The following IMPA1 variants were observed in gnomAD, a reference collection of about 807,000 sequenced individuals.
IMPA1 encodes the protein D-galactose 1-phosphate phosphatase.
In IMPA1, 21 loss-of-function variants were observed where a neutral mutation model predicts 34.9. The observed-to-expected ratio is 0.60, with a 90% CI of 0.43 to 0.87. IMPA1 has a LOEUF of 0.87. Among genes scored for constraint, IMPA1 ranks in the 40% least tolerant of loss-of-function variants. The pLI is 0.00. For missense variants in IMPA1, 299 were observed against 336.4 expected, an observed-to-expected ratio of 0.89 and a Z score of 0.87; for synonymous variants, 95 against 104.4, an observed-to-expected ratio of 0.91 and a Z score of 0.55.
rs1435862146 is a variant in IMPA1 at position 81,659,024 on chromosome 8, C to T, written c.*327G>A. The T allele has an allele frequency of 6.4e-6, 2 of 311,866 alleles. No homozygotes were observed. The highest frequency in any genetic ancestry group is 1.2e-5 in the Non-Finnish European group (2 of 167,240). 19.3% of individuals were successfully genotyped at this position (311,866 alleles called of 1,614,324 possible). A position where few individuals can be genotyped will look rare whatever the true frequency, so the allele number is the denominator to read the frequency against. ...AAGTGGGTGTCTCTGCACCTATATA[C>T]TAAGTCAAAATTTCAGGGGACCATA... On this transcript the variant is annotated 3_prime_UTR_variant, in exon 9 of 9. Transcript: ENST00000256108.
Position 81,658,856 on chromosome 8 carries a change from T to C in IMPA1, c.*495A>G, listed in dbSNP as rs1282721779. ...TAGATATGTAATGGGCCAGGTGCTA[T>C]ATGAACACTGAAGAATAAAACAAAA... is the stretch of plus-strand genomic sequence containing the variant. On this transcript the variant is annotated 3_prime_UTR_variant, in exon 9 of 9. Coordinates refer to ENST00000256108, the MANE Select transcript of IMPA1 (RefSeq NM_005536.4). The C allele has an allele frequency of 1.3e-5, 2 of 154,742 alleles. No homozygotes were observed. The highest frequency in any genetic ancestry group is 2.4e-5 in the African/African-American group (1 of 41,448). 9.6% of individuals were successfully genotyped at this position (154,742 alleles called of 1,614,324 possible).
Position 81,680,705 on chromosome 8 carries a change from G to C in IMPA1, c.142C>G (p.Gln48Glu). The C allele has an allele frequency of 1.2e-6, 2 of 1,611,896 alleles. No homozygotes were observed. Among genetic ancestry groups the C allele is most frequent in the Non-Finnish European group, 1.7e-6 (2 of 1,178,724 alleles). Residue 48 changes from glutamine to glutamate, a missense_variant, in exon 3 of 9, where the codon CAA (glutamine) becomes GAA (glutamate). Gln to Glu is a conservative substitution (Grantham distance 29). Transcript: ENST00000256108. ...GAGATAAGCATTTTTTCAACTTTTT[G>C]GTCCGTAGCAGTTACCAAATCAACT... ...SPVDLVTATDQKVEKMLISSI... is the reference protein window; with the variant it reads ...SPVDLVTATDEKVEKMLISSI...
At chr8:81,677,028 C>T (rs1280034993) in intron 4 of IMPA1, among the ~76,000 whole-genome samples, 3 of 151,658 alleles carry the variant, frequency 2.0e-5, no homozygotes, top group African/African-American at 7.3e-5. Context: ...ACTTTTAAAT[C>T]AATTTGGTTA....
chr8:81,678,396 G>A (rs916813415), intron 4 of IMPA1, among the ~76,000 whole-genome samples: 1 of 151,928 alleles, frequency 6.6e-6, no homozygotes, highest in Non-Finnish European at 1.5e-5. Flanking sequence ...TTTATTCTTT[G>A]AAAACATATC....
chr8:81,658,610 G>A lies in IMPA1; in HGVS notation c.*741C>T, dbSNP rs1372350399. ...AGACAATTTAACTGTTTTGGAAAATGTATTCACTGCAGAAATGCCCACAAT... is the reference window on the plus strand; with the variant it reads ...AGACAATTTAACTGTTTTGGAAAATATATTCACTGCAGAAATGCCCACAAT... On this transcript the variant is annotated 3_prime_UTR_variant, in exon 9 of 9. Transcript: ENST00000256108. 6.6e-6 allele frequency: 1 copy of A among 152,522 alleles called. No homozygotes were observed. Among genetic ancestry groups the A allele is most frequent in the East Asian group, 1.9e-4 (1 of 5,202 alleles). The allele number at this position is 152,522 out of a possible 1,614,324, so 9.4% of individuals were successfully genotyped here.
intron 6 of IMPA1, among the ~76,000 whole-genome samples, chr8:81,671,292 C>T (rs1806982902): frequency 6.6e-6 from 1 of 151,938 alleles, no homozygotes; most frequent in South Asian, 2.1e-4. Context: ...ATACATAATA[C>T]TTAGTGGGAA....
chr8:81,676,310 T>C, intron 4 of IMPA1, 31 bp from the exon 5 acceptor site: 1 of 1,047,616 alleles, frequency 9.5e-7, no homozygotes, highest in Non-Finnish European at 1.4e-6. Flanking sequence ...AAAATACAAA[T>C]TAACCAACAT....
At chr8:81,675,062 G>A (rs1259161128) in intron 5 of IMPA1, among the ~76,000 whole-genome samples, 1 of 152,082 alleles carries the variant, frequency 6.6e-6, no homozygotes, top group African/African-American at 2.4e-5. Flanking sequence ...CAACTACCTT[G>A]AAACACAAAC....
intron 7 of IMPA1, among the ~76,000 whole-genome samples, chr8:81,668,721 A>G (rs1392718456): frequency 2.0e-5 from 3 of 152,180 alleles, no homozygotes; most frequent in Non-Finnish European, 4.4e-5. Context: ...GCCAGGAACC[A>G]TTTGCTAAAT....
intron 1 of IMPA1, among the ~76,000 whole-genome samples, chr8:81,682,533 C>T (rs934972721): frequency 1.3e-5 from 2 of 152,136 alleles, no homozygotes; most frequent in Non-Finnish European, 2.9e-5. Context: ...GATGCTTTTT[C>T]TTCCTGATTA....
rs141750319 is a variant in IMPA1, at chr8:81,679,194, T to G, written c.234A>C (p.Lys78Asn). Residue 78 changes from lysine (K) to asparagine (N), a missense_variant, in exon 4 of 9, where the codon AAA becomes AAC. By Grantham distance (94) the Lys-to-Asn change is moderately conservative (BLOSUM62 0). Coordinates refer to ENST00000256108, the MANE Select transcript of IMPA1 (RefSeq NM_005536.4). Reference sequence around the variant, plus strand: ...ATGTGGGGTTGTCGGTTAAGATACTTTTTTCCCCAGCTGCCACAGATTCTT... The same window carrying G: ...ATGTGGGGTTGTCGGTTAAGATACTGTTTTCCCCAGCTGCCACAGATTCTT... Reference protein sequence around the residue: ...IGEESVAAGEKSILTDNPTWI... With the variant: ...IGEESVAAGENSILTDNPTWI... 23 of 1,613,862 alleles carry G rather than the reference T, an allele frequency of 1.4e-5. No homozygotes were observed. The highest frequency in any genetic ancestry group is 1.9e-5 in the Non-Finnish European group (23 of 1,179,906).
At chr8:81,685,761 A>G (rs1807499477) in intron 1 of IMPA1, 1 of 1,526,558 alleles carries the variant, frequency 6.6e-7, no homozygotes, top group East Asian at 2.5e-5. Context: ...TAGTTTACTC[A>G]CTTTCATTTT....
intron 7 of IMPA1, among the ~76,000 whole-genome samples, chr8:81,661,739 C>T (rs1806679528): frequency 6.6e-6 from 1 of 152,144 alleles, no homozygotes; most frequent in East Asian, 1.9e-4. Context: ...CATGTTAATT[C>T]CCTTACTTTT....
intron 7 of IMPA1, among the ~76,000 whole-genome samples, chr8:81,662,350 G>A (rs1203832315): frequency 2.0e-5 from 3 of 152,020 alleles, no homozygotes; most frequent in African/African-American, 7.2e-5. Context: ...TAGAATCCTA[G>A]GCTAGCCAAA....
chr8:81,678,692 T>TAAA, intron 4 of IMPA1: 8 of 157,902 alleles, frequency 5.1e-5, no homozygotes, highest in South Asian at 2.7e-4. Flanking sequence ...AACTCCATCT[T>TAAA]AAAAAAAAAA....
rs539303959 is a variant in IMPA1, at chr8:81,684,769, T to C, written c.-25+1483A>G. On this transcript the variant is annotated intron_variant, in intron 1 of 8. Transcript: ENST00000256108. The stretch of plus-strand genomic sequence containing the variant: ...CACATAAGTATATTTAGATACTATG[T>C]GGAGTATATATACTACACATAAGTA... 6.3e-5 allele frequency among the ~76,000 whole-genome samples: 9 copies of C among 143,422 alleles called. 1 individual carries two copies. The highest frequency in any genetic ancestry group is 2.3e-4 in the African/African-American group (9 of 39,244). The allele number at this position is 143,422 out of a possible 152,430, so 94.1% of individuals were successfully genotyped here. A position where few individuals can be genotyped will look rare whatever the true frequency, so the allele number is the denominator to read the frequency against.
intron 6 of IMPA1, among the ~76,000 whole-genome samples, chr8:81,672,864 T>A (rs545324069): frequency 1.3e-5 from 2 of 152,228 alleles, no homozygotes; most frequent in African/African-American, 4.8e-5. Context: ...TCCTGGGGCA[T>A]CAGATCAGAG....
intron 7 of IMPA1, among the ~76,000 whole-genome samples, chr8:81,667,875 G>C (rs1323106983): frequency 6.6e-5 from 10 of 151,082 alleles, no homozygotes; most frequent in Admixed American, 6.6e-4. Flanking sequence ...CCAGGCTGGA[G>C]TGCAGTGACA....
rs148612273 is a variant in IMPA1 at position 81,681,463 on chromosome 8, T to C, written c.63+35A>G. On this transcript the variant is annotated intron_variant, in intron 2 of 8. Coordinates refer to ENST00000256108, the MANE Select transcript of IMPA1 (RefSeq NM_005536.4). Reference sequence around the variant, plus strand: ...CACAGTATACCCACCAATCACATTATAATTGATTATAATTGACAAAATCTT... The same window carrying C: ...CACAGTATACCCACCAATCACATTACAATTGATTATAATTGACAAAATCTT... 8.0e-3 allele frequency: 9,339 copies of C among 1,163,400 alleles called. 52 individuals are homozygous for C. The highest frequency in any genetic ancestry group is 0.012 in the South Asian group (948 of 81,762). 72.1% of individuals were successfully genotyped at this position (1,163,400 alleles called of 1,614,324 possible).
Sources: allele counts gnomAD v4.1 joint callset (sites outside exome capture counted in the v4.1 genomes callset), GRCh38; gene constraint gnomAD v4.1.1; transcripts MANE v1.5; gene names NCBI Gene and HGNC (gene_info 2026-07-23, HGNC 2026-07-21).